Variants in MICU1 observed in about 807,000 individuals in gnomAD.
The protein encoded by MICU1 is calcium uptake protein 1, mitochondrial.
Under a neutral mutation model 56.8 loss-of-function variants are expected in MICU1, and 45 were observed. That is an observed-to-expected ratio of 0.79 (90% CI 0.62 to 1.02). MICU1 has a LOEUF of 1.02. MICU1 is among the 50% of genes least tolerant of loss of function. The probability of loss-of-function intolerance (pLI) is 0.00; values close to 1 mark genes in which losing one functional copy is unlikely to be tolerated. For synonymous variants in MICU1, 186 were observed against 195.1 expected, an observed-to-expected ratio of 0.95 and a Z score of 0.39; for missense variants, 504 against 587.1, an observed-to-expected ratio of 0.86 and a Z score of 1.46.
intron 5 of MICU1, among the ~76,000 whole-genome samples, chr10:72,511,540 G>A (rs954712173): frequency 4.6e-5 from 7 of 152,128 alleles, no homozygotes; most frequent in African/African-American, 9.7e-5. Flanking sequence ...GTTAGTAATC[G>A]TATGTGCCCC....
At chr10:72,386,736 A>AT (rs1334599516) in intron 10 of MICU1, among the ~76,000 whole-genome samples, 3 of 151,312 alleles carry the variant, frequency 2.0e-5, no homozygotes. Flanking sequence ...ATTTTAAAGT[A>AT]TTTTTTGTAG....
chr10:72,457,812 A>G (rs910245098), intron 8 of MICU1, among the ~76,000 whole-genome samples: 3 of 152,138 alleles, frequency 2.0e-5, no homozygotes, highest in Admixed American at 6.6e-5. Flanking sequence ...ACAGCAAATA[A>G]GCTGCTTCCA....
intron 9 of MICU1, among the ~76,000 whole-genome samples, chr10:72,415,581 C>T (rs1863958058): frequency 6.6e-6 from 1 of 152,188 alleles, no homozygotes; most frequent in African/African-American, 2.4e-5. Context: ...TGAAACATCA[C>T]TTTCTTCATA....
At chr10:72,502,627 G>C (rs979029872) in intron 6 of MICU1, among the ~76,000 whole-genome samples, 1 of 152,134 alleles carries the variant, frequency 6.6e-6, no homozygotes, top group Non-Finnish European at 1.5e-5. Context: ...GCCACTCCCT[G>C]GCAAAGATTT....
chr10:72,556,497 T>C (rs1383876772), intron 3 of MICU1, among the ~76,000 whole-genome samples: 4 of 151,902 alleles, frequency 2.6e-5, no homozygotes, highest in African/African-American at 9.7e-5. Context: ...TGTGCTACCA[T>C]GCCCAGCTAA....
At chr10:72,480,825 T>C (rs1866271754) in intron 6 of MICU1, among the ~76,000 whole-genome samples, 1 of 152,226 alleles carries the variant, frequency 6.6e-6, no homozygotes, top group African/African-American at 2.4e-5. Flanking sequence ...GCCCAGATCA[T>C]TTAAATGACT....
At chr10:72,522,897 A>G (rs543566120) in intron 5 of MICU1, among the ~76,000 whole-genome samples, 1 of 152,156 alleles carries the variant, frequency 6.6e-6, no homozygotes, top group Non-Finnish European at 1.5e-5. Flanking sequence ...TACCTAAGAA[A>G]AAGGTTTATT....
At chr10:72,393,309 T>C (rs1049221621) in intron 10 of MICU1, among the ~76,000 whole-genome samples, 4 of 152,088 alleles carry the variant, frequency 2.6e-5, no homozygotes, top group Admixed American at 6.5e-5. Context: ...ATAAATGCTA[T>C]AAAAAATAGG....
chr10:72,624,683 TTA>T (rs1169388237), intron 1 of MICU1, among the ~76,000 whole-genome samples: 2 of 152,220 alleles, frequency 1.3e-5, no homozygotes, highest in Non-Finnish European at 2.9e-5. Context: ...TTTGTTAATA[TTA>T]TGTTTTATGG....
intron 10 of MICU1, among the ~76,000 whole-genome samples, chr10:72,376,480 CA>C (rs1332435672): frequency 7.2e-5 from 11 of 151,804 alleles, no homozygotes; most frequent in Non-Finnish European, 1.5e-4. Flanking sequence ...CCTGTCTCTA[CA>C]AAAAATACAA....
intron 8 of MICU1, among the ~76,000 whole-genome samples, chr10:72,451,543 A>G (rs987358420): frequency 6.6e-6 from 1 of 152,106 alleles, no homozygotes; most frequent in Non-Finnish European, 1.5e-5. Flanking sequence ...GATGAAGATA[A>G]TCTTTTTTGT....
At chr10:72,466,457 T>G (rs931700992) in intron 8 of MICU1, among the ~76,000 whole-genome samples, 3 of 152,222 alleles carry the variant, frequency 2.0e-5, no homozygotes, top group Non-Finnish European at 4.4e-5. Context: ...ACTCTTCCAA[T>G]TTTTGGAAAA....
At chr10:72,585,315 C>G (rs1841018091) in intron 1 of MICU1, among the ~76,000 whole-genome samples, 1 of 151,956 alleles carries the variant, frequency 6.6e-6, no homozygotes, top group Admixed American at 6.6e-5. Context: ...AACTTCAAAC[C>G]CTGTTTTAGA....
intron 8 of MICU1, among the ~76,000 whole-genome samples, chr10:72,425,457 T>A (rs1864317484): frequency 6.6e-6 from 1 of 152,222 alleles, no homozygotes; most frequent in South Asian, 2.1e-4. Context: ...GACAGTAAGG[T>A]CAATTTCCAG....
intron 10 of MICU1, among the ~76,000 whole-genome samples, chr10:72,397,308 A>G (rs1427422909): frequency 3.9e-5 from 6 of 152,188 alleles, no homozygotes; most frequent in Non-Finnish European, 7.4e-5. Context: ...GAAACAACCG[A>G]TACCAGCCAC....
At chr10:72,544,952 T>A (rs1246816992) in intron 4 of MICU1, among the ~76,000 whole-genome samples, 5 of 152,324 alleles carry the variant, frequency 3.3e-5, no homozygotes, top group South Asian at 2.1e-4. Context: ...ATTTTTGAAC[T>A]GTTCTAAAAG....
At chr10:72,426,054 G>A (rs1864336974) in intron 8 of MICU1, among the ~76,000 whole-genome samples, 1 of 152,102 alleles carries the variant, frequency 6.6e-6, no homozygotes, top group African/African-American at 2.4e-5. Flanking sequence ...TTTTGTTGTT[G>A]TTGTCCAGGC....
rs552240838 is a variant in MICU1, at chr10:72,481,975, C to T, written c.653-4719G>A. Among the ~76,000 whole-genome samples the T allele has an allele frequency of 3.9e-5, 6 of 152,284 alleles. No homozygotes were observed. In the East Asian group the frequency reaches 7.7e-4, roughly 20 times the overall value. ...AGTCTGTTTCTATAATATCATTCCA[C>T]CATTGACAATCATGATAATAATAAT... On this transcript the variant is annotated intron_variant, in intron 6 of 11. Coordinates refer to ENST00000361114, the MANE Select transcript of MICU1 (RefSeq NM_001195518.2).
chr10:72,435,814 C>T (rs1158428426), intron 8 of MICU1, among the ~76,000 whole-genome samples: 10 of 152,384 alleles, frequency 6.6e-5, no homozygotes, highest in African/African-American at 2.2e-4. Flanking sequence ...GATCGAACTG[C>T]AAGGCTGCAG....
Sources: allele counts gnomAD v4.1 joint callset (sites outside exome capture counted in the v4.1 genomes callset), GRCh38; gene constraint gnomAD v4.1.1; transcripts MANE v1.5; gene names NCBI Gene and HGNC (gene_info 2026-07-23, HGNC 2026-07-21).